Variants in GZMA observed in about 807,000 individuals in gnomAD.
GZMA encodes the protein CTL tryptase.
A neutral mutation model predicts 21.1 loss-of-function variants in GZMA; 17 were observed. The ratio of observed to expected loss-of-function variants is 0.81; its 90% CI spans 0.55 to 1.21. GZMA has a LOEUF of 1.21. Among genes scored for constraint, GZMA ranks in the 50% most tolerant of loss-of-function variants. The pLI, the probability that GZMA is intolerant of heterozygous loss-of-function variation, is 0.00. For synonymous variants in GZMA, 90 were observed against 107.8 expected, an observed-to-expected ratio of 0.83 and a Z score of 1.03; for missense variants, 306 against 315.9, an observed-to-expected ratio of 0.97 and a Z score of 0.24.
rs144535931 is a variant in GZMA, at chr5:55,106,335, T to TA, written c.215+720dup. 1.5e-5 allele frequency among the ~76,000 whole-genome samples: 2 copies of TA among 129,394 alleles called. 1 individual carries two copies. Among genetic ancestry groups the TA allele is most frequent in the African/African-American group, 7.0e-5 (2 of 28,466 alleles). The allele number at this position is 129,394 out of a possible 152,430, so 84.9% of individuals were successfully genotyped here. On this transcript the variant is annotated intron_variant, in intron 2 of 4. Transcript: ENST00000274306. ...AAATAAAATATAAAATAAAATAAAA[T>TA]AAATAAAATAAAATAAAGTAGATCC...
chr5:55,109,238 T>C (rs1333698493), intron 4 of GZMA, among the ~76,000 whole-genome samples: 2 of 152,112 alleles, frequency 1.3e-5, no homozygotes, highest in African/African-American at 2.4e-5. Flanking sequence ...CTGTCCACTT[T>C]CTCTTCTCTG....
chr5:55,105,444 C>CATAAA, intron 1 of GZMA, 30 bp from the exon 2 acceptor site: 1 of 1,536,774 alleles, frequency 6.5e-7, no homozygotes, highest in Admixed American at 1.8e-5. Flanking sequence ...GGGTGAGCAC[C>CATAAA]AATCTGATTT....
At chr5:55,109,076 C>A (rs922800441) in intron 4 of GZMA, among the ~76,000 whole-genome samples, 6 of 152,134 alleles carry the variant, frequency 3.9e-5, no homozygotes, top group African/African-American at 1.4e-4. Context: ...CCCTATAGAG[C>A]CTTACCTGAA....
intron 4 of GZMA, among the ~76,000 whole-genome samples, chr5:55,109,149 T>C (rs1028544485): frequency 2.0e-5 from 3 of 152,168 alleles, no homozygotes; most frequent in African/African-American, 7.2e-5. Context: ...AAGGTCTCTG[T>C]CCTTCCCTAG....
Position 55,108,355 on chromosome 5 carries a change from T to G in GZMA, c.588T>G (p.Val196=). 2.5e-6 allele frequency: 4 copies of G among 1,613,756 alleles called. No homozygotes were observed. Among genetic ancestry groups the G allele is most frequent in the Non-Finnish European group, 3.4e-6 (4 of 1,179,664 alleles). ...ACCCTGTGATTGGAATGAATATGGT[T>G]TGTGCTGGAAGCCTCCGAGGTGGAA... The part of the protein sequence containing the change: ...NFNPVIGMNM[V]CAGSLRGGRD... The change falls in exon 4 of 5, where the codon GTT becomes GTG. Residue 196 remains valine, a synonymous_variant. Coordinates refer to ENST00000274306, the MANE Select transcript of GZMA (RefSeq NM_006144.4).
intron 4 of GZMA, 76 bp downstream of exon 4, chr5:55,108,470 G>T: frequency 2.4e-6 from 3 of 1,239,858 alleles, no homozygotes; most frequent in Non-Finnish European, 3.5e-6. Context: ...GTCATGCTTT[G>T]TTTTGTCATG....
In GZMA at chr5:55,105,627, C is replaced by T. The variant is rs1395102222; in HGVS notation, c.215+9C>T. ...GCAGCTCACTGTAACTTGTAAGTGC[C>T]TGGGTTTTTAAAAAAAAGTTTGTAA... On this transcript the variant is annotated intron_variant, in intron 2 of 4. Coordinates refer to ENST00000274306, the MANE Select transcript of GZMA (RefSeq NM_006144.4). The T allele has an allele frequency of 6.2e-7, 1 of 1,610,290 alleles. No individual in the cohort carries two copies.
chr5:55,105,489 T>A lies in GZMA; in HGVS notation c.86T>A (p.Ile29Asn). The change falls in exon 2 of 5, where the codon ATT (isoleucine) becomes AAT (asparagine). Residue 29 changes from isoleucine (I) to asparagine (N), a missense_variant. Ile to Asn is a moderately radical substitution (Grantham distance 149). Coordinates refer to ENST00000274306, the MANE Select transcript of GZMA (RefSeq NM_006144.4). ...CATTGAACAGATGTCTGTGAAAAAA[T>A]TATTGGAGGAAATGAAGTAACTCCT... The part of the protein sequence containing the change: ...LLIPEDVCEK[I>N]IGGNEVTPHS... 6.2e-7 allele frequency: 1 copy of A among 1,612,634 alleles called. No individual in the cohort carries two copies. The highest frequency in any genetic ancestry group is 8.5e-7 in the Non-Finnish European group (1 of 1,179,252).
intron 2 of GZMA, among the ~76,000 whole-genome samples, chr5:55,107,236 T>G (rs1347199513): frequency 6.6e-6 from 1 of 152,180 alleles, no homozygotes; most frequent in East Asian, 1.9e-4. Flanking sequence ...AAAAGACTCC[T>G]GGACCCCTCC....
At chr5:55,104,192 A>C (rs1315228693) in intron 1 of GZMA, among the ~76,000 whole-genome samples, 1 of 152,200 alleles carries the variant, frequency 6.6e-6, no homozygotes, top group African/African-American at 2.4e-5. Context: ...TCAAAGGAAA[A>C]CAACAAAAGC....
chr5:55,105,196 C>A (rs780986686), intron 1 of GZMA, among the ~76,000 whole-genome samples: 3 of 152,154 alleles, frequency 2.0e-5, no homozygotes, highest in Non-Finnish European at 4.4e-5. Context: ...GCTTTCTGCC[C>A]TGGGGCCTGA....
At chr5:55,103,742 T>C (rs1388171731) in intron 1 of GZMA, among the ~76,000 whole-genome samples, 1 of 152,188 alleles carries the variant, frequency 6.6e-6, no homozygotes, top group Non-Finnish European at 1.5e-5. Context: ...ATCTGGTTTA[T>C]GCACCTAAAT....
intron 4 of GZMA, among the ~76,000 whole-genome samples, 165 bp downstream of exon 4, chr5:55,108,559 C>T (rs1046409696): frequency 6.6e-6 from 1 of 152,164 alleles, no homozygotes; most frequent in Non-Finnish European, 1.5e-5. Flanking sequence ...ATGCTCGCAG[C>T]TCAAGTGAGT....
chr5:55,103,229 TAGTC>T (rs779602531), intron 1 of GZMA, among the ~76,000 whole-genome samples: 48 of 152,172 alleles, frequency 3.2e-4, no homozygotes, highest in Non-Finnish European at 6.0e-4. Flanking sequence ...AGTGGCAACT[TAGTC>T]AGCTCAGCCT....
chr5:55,102,698 AG>A lies in GZMA; in HGVS notation c.17del (p.Arg6AsnfsTer15). On this transcript the variant is annotated frameshift_variant, in exon 1 of 5. Transcript: ENST00000274306. LOFTEE classifies it high-confidence loss of function. MRNSY[R>X]FLASSLSVVV... ...AGCAGCCACAATGAGGAACTCCTAT[AG>A]ATTTCTGGCATCCTCTCTCTCAGTT... 6.2e-7 allele frequency: 1 copy of A among 1,608,762 alleles called. No homozygotes were observed. Among genetic ancestry groups the A allele is most frequent in the Non-Finnish European group, 8.5e-7 (1 of 1,175,070 alleles).
intron 1 of GZMA, among the ~76,000 whole-genome samples, chr5:55,103,821 C>T (rs1435502686): frequency 1.3e-5 from 2 of 152,072 alleles, no homozygotes; most frequent in African/African-American, 4.8e-5. Context: ...TCTTGGCCAA[C>T]ATGGTGAAAC....
rs1051846 is a variant in GZMA at position 55,108,229 on chromosome 5, C to G, written c.462C>G (p.Gly154=). ...PGTMCQVAGW[G]RTHNSASWSD... is the part of the protein sequence containing the mutation. ...CCATGTGCCAAGTTGCAGGGTGGGG[C>G]AGGACTCACAATAGTGCATCTTGGT... Residue 154 remains glycine (G), a synonymous_variant, in exon 4 of 5, where the codon GGC becomes GGG. Transcript: ENST00000274306. The G allele has an allele frequency of 0.14, 224,793 of 1,611,756 alleles. 17,023 individuals are homozygous for G. The highest frequency in any genetic ancestry group is 0.25 in the East Asian group (11,200 of 44,804).
At chr5:55,107,562 A>G (rs1219156379) in intron 2 of GZMA, among the ~76,000 whole-genome samples, 5 of 152,234 alleles carry the variant, frequency 3.3e-5, no homozygotes, top group African/African-American at 1.2e-4. Flanking sequence ...CAATGAACCT[A>G]GTTTAGCTTT....
chr5:55,105,433 G>A, intron 1 of GZMA, 41 bp from the exon 2 acceptor site: 1 of 1,583,636 alleles, frequency 6.3e-7, no homozygotes, highest in Non-Finnish European at 8.6e-7. Context: ...GAGCTCTTTG[G>A]GGGTGAGCAC....
Sources: gnomAD v4.1 joint callset for allele counts (sites outside exome capture counted in the v4.1 genomes callset) on GRCh38, gnomAD v4.1.1 for gene constraint, MANE v1.5 for transcripts, NCBI Gene and HGNC (gene_info 2026-07-23, HGNC 2026-07-21) for gene names.